PHTF2: variants seen among roughly 807,000 people sequenced by gnomAD.
The protein encoded by PHTF2 is putative homeodomain transcription factor 2.
PHTF2 carries 60 observed loss-of-function variants against 101.2 expected under a neutral mutation model. The ratio of observed to expected loss-of-function variants is 0.59; its 90% confidence interval spans 0.48 to 0.73. The LOEUF (loss-of-function observed/expected upper bound fraction) is 0.73. Among genes scored for constraint, PHTF2 ranks in the 30% least tolerant of loss-of-function variants. PHTF2 has a pLI of 0.00. For synonymous variants in PHTF2, 311 were observed against 307.3 expected (o/e 1.01, Z -0.13); for missense variants, 747 against 908.7 (o/e 0.82, Z 2.29).
In PHTF2 at chr7:77,922,576, G is replaced by T. The variant is rs150479563; in HGVS notation, c.964-47G>T. The T allele has an allele frequency of 1.7e-5, 26 of 1,500,290 alleles. No homozygotes were observed. The East Asian group carries it at 4.6e-4, about 27-fold the overall frequency. 92.9% of individuals were successfully genotyped at this position (1,500,290 alleles called of 1,614,324 possible). A position where few individuals can be genotyped will look rare whatever the true frequency, so the allele number is the denominator to read the frequency against. On this transcript the variant is annotated intron_variant, in intron 10 of 19. Coordinates refer to ENST00000416283, the Ensembl canonical transcript of PHTF2. The stretch of plus-strand genomic sequence containing the variant: ...AATTTCATAGTTTAAAAGCTAAAAG[G>T]TTGGTTAGAAATTACCTATAATCCT...
chr7:77,813,083 T>C (rs1238538773), intron 1 of PHTF2, among the ~76,000 whole-genome samples: 1 of 152,224 alleles, frequency 6.6e-6, no homozygotes, highest in Non-Finnish European at 1.5e-5. Flanking sequence ...TTTATTTATT[T>C]ATTTAATTTT....
intron 17 of PHTF2, among the ~76,000 whole-genome samples, chr7:77,951,186 C>T (rs996740507): frequency 3.3e-5 from 5 of 152,136 alleles, no homozygotes; most frequent in Admixed American, 3.3e-4. Context: ...TGCCTATAAT[C>T]CCAACACTTT....
intron 1 of PHTF2, among the ~76,000 whole-genome samples, chr7:77,824,122 C>G (rs979148230): frequency 6.6e-6 from 1 of 151,934 alleles, no homozygotes; most frequent in African/African-American, 2.4e-5. Context: ...TGAGTGGTTT[C>G]TGTGTGCCAG....
rs57283892 is a variant in PHTF2 at position 77,841,075 on chromosome 7, C to CTTTT, written c.45+792_45+795dup. On this transcript the variant is annotated intron_variant, in intron 2 of 19. Transcript: ENST00000416283. The stretch of plus-strand genomic sequence containing the variant: ...TTTCTTATATAGGAGAAAAAACAGA[C>CTTTT]TTTTTTTTTTTTTTTTTTTTGAGAT... Among the ~76,000 whole-genome samples the CTTTT allele has an allele frequency of 1.3e-3, 100 of 77,252 alleles. 11 individuals carry two copies. Among genetic ancestry groups the CTTTT allele is most frequent in the East Asian group, 2.1e-3 (7 of 3,378 alleles). 50.7% of individuals were successfully genotyped at this position (77,252 alleles called of 152,430 possible).
At chr7:77,908,370 G>A (rs1802057470) in intron 7 of PHTF2, among the ~76,000 whole-genome samples, 1 of 152,154 alleles carries the variant, frequency 6.6e-6, no homozygotes, top group Non-Finnish European at 1.5e-5. Context: ...TTAATTCTAA[G>A]GAGATAGACC....
chr7:77,817,654 A>T (rs1793952317), intron 1 of PHTF2, among the ~76,000 whole-genome samples: 1 of 152,224 alleles, frequency 6.6e-6, no homozygotes, highest in African/African-American at 2.4e-5. Context: ...ACTACAATTT[A>T]AGATGAGATT....
At chr7:77,843,663 CTT>C (rs992096838) in intron 2 of PHTF2, among the ~76,000 whole-genome samples, 1 of 152,316 alleles carries the variant, frequency 6.6e-6, no homozygotes, top group African/African-American at 2.4e-5. Context: ...AGGTGAATAA[CTT>C]TATTTCTTTG....
intron 3 of PHTF2, among the ~76,000 whole-genome samples, chr7:77,875,894 C>T (rs1450434070): frequency 1.3e-5 from 2 of 152,122 alleles, no homozygotes; most frequent in African/African-American, 4.8e-5. Flanking sequence ...TCATGTGTGC[C>T]ACACAATGTC....
chr7:77,813,869 G>A (rs1793638032), intron 1 of PHTF2, among the ~76,000 whole-genome samples: 1 of 152,138 alleles, frequency 6.6e-6, no homozygotes, highest in South Asian at 2.1e-4. Context: ...AGGTGGTTTA[G>A]ACCAGTTGGC....
intron 1 of PHTF2, among the ~76,000 whole-genome samples, chr7:77,823,630 A>G (rs1336384367): frequency 4.6e-5 from 7 of 152,242 alleles, no homozygotes; most frequent in Non-Finnish European, 1.0e-4. Context: ...AATAGATCAG[A>G]ACAAGGAGAA....
At chr7:77,949,587 C>A (rs866261653) in intron 16 of PHTF2, 91 bp from the exon 16 acceptor site, 2 of 672,706 alleles carry the variant, frequency 3.0e-6, no homozygotes, top group South Asian at 2.1e-5. Flanking sequence ...AAATGTAATA[C>A]TAAATTTATG....
At chr7:77,907,081 A>G (rs536341562) in intron 7 of PHTF2, among the ~76,000 whole-genome samples, 1 of 152,190 alleles carries the variant, frequency 6.6e-6, no homozygotes, top group Non-Finnish European at 1.5e-5. Context: ...TGTACTATGT[A>G]GATACACAGA....
intron 3 of PHTF2, among the ~76,000 whole-genome samples, chr7:77,882,943 G>T (rs1157265961): frequency 6.6e-6 from 1 of 152,080 alleles, no homozygotes; most frequent in Non-Finnish European, 1.5e-5. Context: ...GCATGTGTGT[G>T]TAATTGTCCA....
intron 1 of PHTF2, among the ~76,000 whole-genome samples, chr7:77,812,184 G>A (rs1793493701): frequency 6.6e-6 from 1 of 152,140 alleles, no homozygotes; most frequent in Admixed American, 6.5e-5. Context: ...ATTTAGTCTG[G>A]AAAAAGATTA....
chr7:77,946,439 GA>G (rs1303757586), intron 16 of PHTF2, among the ~76,000 whole-genome samples: 3 of 151,490 alleles, frequency 2.0e-5, no homozygotes, highest in African/African-American at 7.3e-5. Flanking sequence ...AGCAAAGATG[GA>G]AAAAAAAGTG....
intron 3 of PHTF2, chr7:77,854,972 G>T (rs1797061081): frequency 1.7e-6 from 1 of 579,724 alleles, no homozygotes; most frequent in South Asian, 2.2e-5. Flanking sequence ...CTACCCTACT[G>T]TGGCTGAGCT....
chr7:77,878,067 A>G (rs1799100502), intron 3 of PHTF2, among the ~76,000 whole-genome samples: 1 of 152,116 alleles, frequency 6.6e-6, no homozygotes, highest in African/African-American at 2.4e-5. Context: ...CATCTTGCCT[A>G]CTGCCCGGAA....
chr7:77,924,461 G>A (rs1178115575), intron 11 of PHTF2, among the ~76,000 whole-genome samples: 6 of 152,212 alleles, frequency 3.9e-5, no homozygotes, highest in South Asian at 2.1e-4. Context: ...CAAAATGACT[G>A]TGGAACCTCT....
rs1327811119 is a variant in PHTF2 at position 77,838,287 on chromosome 7, C to T, written c.-35-1934C>T. 2.0e-5 allele frequency among the ~76,000 whole-genome samples: 3 copies of T among 152,100 alleles called. 1 individual carries two copies. Among genetic ancestry groups the T allele is most frequent in the East Asian group, 3.8e-4 (2 of 5,198 alleles). ...AGGGAAAGCTTCCTCAAAAAACCCT[C>T]GTGAGAGAAATGAAGATAGCCACAC... On this transcript the variant is annotated intron_variant, in intron 1 of 19. Transcript: ENST00000416283.
Sources: allele counts gnomAD v4.1 joint callset (sites outside exome capture counted in the v4.1 genomes callset), GRCh38; gene constraint gnomAD v4.1.1; transcripts MANE v1.5; gene names NCBI Gene and HGNC (gene_info 2026-07-23, HGNC 2026-07-21).